SLC30A6: variants seen among roughly 807,000 people sequenced by gnomAD.
SLC30A6 encodes zinc transporter 6.
Under a neutral mutation model 63.0 loss-of-function variants are expected in SLC30A6, and 55 were observed. The observed-to-expected ratio is 0.87, with a 90% CI of 0.70 to 1.09. SLC30A6 has a LOEUF of 1.09. Among genes scored for constraint, SLC30A6 ranks in the 50% least tolerant of loss-of-function variants. SLC30A6 has a pLI of 0.00. For synonymous variants in SLC30A6, 224 were observed against 186.1 expected, an observed-to-expected ratio of 1.20 and a Z score of -1.66; for missense variants, 587 against 549.2, an observed-to-expected ratio of 1.07 and a Z score of -0.69.
intron 10 of SLC30A6, chr2:32,203,435 C>G: frequency 6.7e-7 from 1 of 1,498,166 alleles, no homozygotes; most frequent in East Asian, 2.3e-5. Flanking sequence ...TGATTTTTTC[C>G]AACCATCAGC....
At chr2:32,202,191 T>C in intron 10 of SLC30A6, 1 of 800,890 alleles carries the variant, frequency 1.2e-6, no homozygotes, top group South Asian at 1.7e-5. Context: ...CATCTCTCTT[T>C]CCTGTTCAAG....
intron 7 of SLC30A6, among the ~76,000 whole-genome samples, chr2:32,193,556 A>G (rs933066481): frequency 3.3e-5 from 5 of 152,242 alleles, no homozygotes; most frequent in African/African-American, 9.6e-5. Context: ...GACCTTATCT[A>G]TTCTGATCAG....
Position 32,221,003 on chromosome 2 carries a change from T to G in SLC30A6, c.*290T>G, listed in dbSNP as rs1336858189. 1.9e-5 allele frequency: 6 copies of G among 319,468 alleles called. No individual in the cohort carries two copies. The highest frequency in any genetic ancestry group is 9.2e-5 in the Admixed American group (2 of 21,838). 19.8% of individuals were successfully genotyped at this position (319,468 alleles called of 1,614,324 possible). A position where few individuals can be genotyped will look rare whatever the true frequency, so the allele number is the denominator to read the frequency against. The stretch of plus-strand genomic sequence containing the variant: ...AGTTGACTGCAGTGTGATGTGACCT[T>G]ACCTTTATAAGAGCCACTTGATGGA... On this transcript the variant is annotated 3_prime_UTR_variant, in exon 14 of 14. Coordinates refer to ENST00000282587, the MANE Select transcript of SLC30A6 (RefSeq NM_017964.5).
intron 2 of SLC30A6, among the ~76,000 whole-genome samples, chr2:32,171,788 G>A (rs1460608060): frequency 1.3e-5 from 2 of 151,986 alleles, no homozygotes; most frequent in African/African-American, 2.4e-5. Flanking sequence ...TGCCTCCCGG[G>A]TTCAAGCGAT....
chr2:32,206,681 T>G (rs1013223902), intron 11 of SLC30A6, among the ~76,000 whole-genome samples: 5 of 152,314 alleles, frequency 3.3e-5, no homozygotes, highest in Middle Eastern at 3.4e-3. Flanking sequence ...TTATCTTATC[T>G]TCAAGATAAA....
chr2:32,196,935 C>T (rs1178259103), intron 8 of SLC30A6, among the ~76,000 whole-genome samples: 4 of 152,136 alleles, frequency 2.6e-5, no homozygotes, highest in Non-Finnish European at 4.4e-5. Flanking sequence ...TGGCACGTGC[C>T]TGTAATCCCA....
At chr2:32,202,504 TG>T (rs1219688238) in intron 10 of SLC30A6, 1 of 279,544 alleles carries the variant, frequency 3.6e-6, no homozygotes, top group Non-Finnish European at 6.9e-6. Context: ...TATTTTTTTT[TG>T]TATTTTTAGT....
In SLC30A6 at chr2:32,223,732, A is replaced by G. The variant is rs774761861; in HGVS notation, c.*3019A>G. ...TTTTCAGGCTTGCCTCTACTTAAATATATTTAGATGAGAGAGTTCTCTTAG... is the reference window on the plus strand; with the variant it reads ...TTTTCAGGCTTGCCTCTACTTAAATGTATTTAGATGAGAGAGTTCTCTTAG... On this transcript the variant is annotated 3_prime_UTR_variant, in exon 14 of 14. Transcript: ENST00000282587. The G allele has an allele frequency of 3.9e-5, 6 of 152,150 alleles. No homozygotes were observed. The highest frequency in any genetic ancestry group is 2.1e-4 in the South Asian group (1 of 4,828). The allele number at this position is 152,150 out of a possible 1,614,324, so 9.4% of individuals were successfully genotyped here. A position where few individuals can be genotyped will look rare whatever the true frequency, so the allele number is the denominator to read the frequency against.
rs894126790 is a variant in SLC30A6, at chr2:32,210,829, T to C, written c.885+1268T>C. Among the ~76,000 whole-genome samples the C allele has an allele frequency of 3.9e-5, 6 of 152,216 alleles. No homozygotes were observed. The East Asian group carries it at 9.6e-4, about 24-fold the overall frequency. Reference sequence around the variant, plus strand: ...CCAACTCTTTCCCTCTCTCATTATTTTGGATGTCTAAAACTTATTACAAGA... The same window carrying C: ...CCAACTCTTTCCCTCTCTCATTATTCTGGATGTCTAAAACTTATTACAAGA... On this transcript the variant is annotated intron_variant, in intron 13 of 13. Transcript: ENST00000282587.
At chr2:32,166,938 A>G (rs1431320171) in intron 1 of SLC30A6, among the ~76,000 whole-genome samples, 1 of 151,544 alleles carries the variant, frequency 6.6e-6, no homozygotes, top group African/African-American at 2.4e-5. Context: ...CCAGAGTTAT[A>G]TTTCTAAAAT....
chr2:32,171,127 T>G (rs1484935060), intron 1 of SLC30A6, among the ~76,000 whole-genome samples, 160 bp from the exon 2 acceptor site: 1 of 152,200 alleles, frequency 6.6e-6, no homozygotes, highest in Non-Finnish European at 1.5e-5. Context: ...GAATATTAAA[T>G]CCATAAATAC....
chr2:32,175,617 A>G (rs1681665159), intron 4 of SLC30A6, among the ~76,000 whole-genome samples: 1 of 151,870 alleles, frequency 6.6e-6, no homozygotes, highest in African/African-American at 2.4e-5. Context: ...AAGGAAAGTA[A>G]TCTACTAAAT....
At chr2:32,208,391 A>C (rs1684966935) in intron 12 of SLC30A6, among the ~76,000 whole-genome samples, 1 of 151,906 alleles carries the variant, frequency 6.6e-6, no homozygotes, top group African/African-American at 2.4e-5. Flanking sequence ...GTGACCTCCC[A>C]AAATGCTGGG....
rs1324677574 is a variant in SLC30A6 at position 32,221,707 on chromosome 2, T to C, written c.*994T>C. ...AATTATCAAGATTTTTGTTAAAGTT[T>C]CTCTCCTTTAAAAATTTTAGTACAT... On this transcript the variant is annotated 3_prime_UTR_variant, in exon 14 of 14. Coordinates refer to ENST00000282587, the MANE Select transcript of SLC30A6 (RefSeq NM_017964.5). 1 of 152,174 alleles carries C rather than the reference T, an allele frequency of 6.6e-6. No individual in the cohort carries two copies. Among genetic ancestry groups the C allele is most frequent in the African/African-American group, 2.4e-5 (1 of 41,456 alleles). The allele number at this position is 152,174 out of a possible 1,614,324, so 9.4% of individuals were successfully genotyped here.
At chr2:32,220,179 A>G (rs1424962496) in intron 13 of SLC30A6, 34 bp from the exon 14 acceptor site, 1 of 1,580,054 alleles carries the variant, frequency 6.3e-7, no homozygotes, top group Non-Finnish European at 8.6e-7. Context: ...TATAATTCTA[A>G]GCAATCTCTT....
chr2:32,214,543 T>C (rs907365468), intron 13 of SLC30A6: 7 of 152,206 alleles, frequency 4.6e-5, no homozygotes, highest in African/African-American at 1.7e-4. Flanking sequence ...TTTGAGTATA[T>C]GTGCTGCCGA....
At chr2:32,171,395 A>G in intron 2 of SLC30A6, 22 bp downstream of exon 2, 1 of 1,561,832 alleles carries the variant, frequency 6.4e-7, no homozygotes, top group Non-Finnish European at 8.8e-7. Flanking sequence ...CTTAACCCCA[A>G]TTTTAATTAT....
Position 32,220,561 on chromosome 2 carries a change from G to C in SLC30A6, c.1234G>C (p.Gly412Arg), listed in dbSNP as rs1314451441. Reference protein sequence around the residue: ...LNTQTRPYGFGLNHGHTPYSS... With the variant: ...LNTQTRPYGFRLNHGHTPYSS... ...CACACAAACAAGGCCTTATGGTTTT[G>C]GTCTCAATCATGGACACACACCTTA... The change falls in exon 14 of 14, where the codon GGT becomes CGT. Residue 412 changes from glycine to arginine, a missense_variant. Coordinates refer to ENST00000282587, the MANE Select transcript of SLC30A6 (RefSeq NM_017964.5). 6.2e-7 allele frequency: 1 copy of C among 1,614,010 alleles called. No individual in the cohort carries two copies. The highest frequency in any genetic ancestry group is 8.5e-7 in the Non-Finnish European group (1 of 1,180,040).
At chr2:32,178,704 C>T (rs987612364) in intron 4 of SLC30A6, among the ~76,000 whole-genome samples, 61 of 152,136 alleles carry the variant, frequency 4.0e-4, no homozygotes, top group African/African-American at 1.4e-3. Context: ...ACAACAAACA[C>T]CAGTTCACTG....
Sources: gnomAD v4.1 joint callset for allele counts (sites outside exome capture counted in the v4.1 genomes callset) on GRCh38, gnomAD v4.1.1 for gene constraint, MANE v1.5 for transcripts, NCBI Gene and HGNC (gene_info 2026-07-23, HGNC 2026-07-21) for gene names.